The following SLC4A5 variants were observed in gnomAD, a reference collection of about 807,000 sequenced individuals.
The protein encoded by SLC4A5 is electrogenic sodium bicarbonate cotransporter 4.
A neutral mutation model predicts 120.4 loss-of-function variants in SLC4A5; 96 were observed. The observed-to-expected ratio is 0.80, with a 90% CI of 0.68 to 0.94. The LOEUF is 0.94. SLC4A5 is among the 40% of genes least tolerant of loss of function. The pLI, the probability that SLC4A5 is intolerant of heterozygous loss-of-function variation, is 0.00. For missense variants in SLC4A5, 1,259 were observed against 1,459.5 expected, an observed-to-expected ratio of 0.86 and a Z score of 2.24; for synonymous variants, 550 against 571.1, an observed-to-expected ratio of 0.96 and a Z score of 0.53.
chr2:74,298,143 T>C (rs894326603), intron 7 of SLC4A5, among the ~76,000 whole-genome samples: 1 of 152,226 alleles, frequency 6.6e-6, no homozygotes. Context: ...TGAGGATTAA[T>C]TGAGAAGATG....
At chr2:74,226,990 T>C in exon 27 of SLC4A5, 1 of 1,613,828 alleles carries the variant, frequency 6.2e-7, no homozygotes, top group Non-Finnish European at 8.5e-7. Context: ...CCACCGTGGA[T>C]TTGAGGATCC....
intron 6 of SLC4A5, chr2:74,307,154 C>A: frequency 1.8e-6 from 1 of 559,368 alleles, no homozygotes. Context: ...CAGCTCCAAC[C>A]TTGGCAGACT....
intron 12 of SLC4A5, among the ~76,000 whole-genome samples, 196 bp downstream of exon 12, chr2:74,259,392 T>G (rs1017217975): frequency 2.0e-5 from 3 of 152,176 alleles, no homozygotes; most frequent in Non-Finnish European, 4.4e-5. Flanking sequence ...AGCCAGCACC[T>G]GGGACTCCGT....
chr2:74,239,388 A>C, exon 21 of SLC4A5: 1 of 1,614,224 alleles, frequency 6.2e-7, no homozygotes, highest in African/African-American at 1.3e-5. Flanking sequence ...AGGGTCATGG[A>C]GTATGTCCCA....
intron 28 of SLC4A5, 57 bp from the exon 29 acceptor site, chr2:74,223,009 T>A: frequency 1.4e-6 from 1 of 696,236 alleles, no homozygotes; most frequent in East Asian, 4.4e-5. Context: ...TTGGCTTTCT[T>A]TTTTTTTTTT....
chr2:74,262,169 C>T (rs1437443045), exon 11 of SLC4A5: 13 of 1,613,776 alleles, frequency 8.1e-6, no homozygotes, highest in East Asian at 2.2e-5. Context: ...CTGCCGCATC[C>T]GCAGGTCTTC....
intron 8 of SLC4A5, among the ~76,000 whole-genome samples, chr2:74,285,568 G>A (rs1377617689): frequency 6.6e-6 from 1 of 152,166 alleles, no homozygotes; most frequent in Non-Finnish European, 1.5e-5. Flanking sequence ...CTTCCCACTT[G>A]AACTTTAATT....
chr2:74,261,388 G>A (rs1671130174), intron 11 of SLC4A5, among the ~76,000 whole-genome samples: 1 of 152,232 alleles, frequency 6.6e-6, no homozygotes, highest in South Asian at 2.1e-4. Flanking sequence ...GCAAATGCCT[G>A]CTGTGCCCAA....
intron 10 of SLC4A5, among the ~76,000 whole-genome samples, chr2:74,263,647 C>T (rs1324238488): frequency 6.6e-6 from 1 of 152,194 alleles, no homozygotes; most frequent in African/African-American, 2.4e-5. Flanking sequence ...TTGAGATAAG[C>T]CCAGCCCCTT....
chr2:74,290,439 G>C, intron 7 of SLC4A5: 7 of 985,374 alleles, frequency 7.1e-6, no homozygotes, highest in Non-Finnish European at 7.2e-6. Context: ...GGGAGAAAAA[G>C]AGAGAGAGAA....
chr2:74,326,035 C>T (rs184704993), intron 5 of SLC4A5, among the ~76,000 whole-genome samples: 2 of 152,234 alleles, frequency 1.3e-5, no homozygotes, highest in Admixed American at 1.3e-4. Flanking sequence ...CAGTCTTCCA[C>T]TTCTGGGTTC....
At chr2:74,325,934 G>A (rs1386852232) in intron 5 of SLC4A5, among the ~76,000 whole-genome samples, 2 of 151,242 alleles carry the variant, frequency 1.3e-5, no homozygotes, top group Non-Finnish European at 1.5e-5. Flanking sequence ...AGGGGAGGAG[G>A]AAGGGAGAAG....
Position 74,255,885 on chromosome 2 carries a change from G to A in SLC4A5, c.915C>T (p.Ser305=). The change falls in exon 13 of 31, where the codon TCC becomes TCT. Residue 305 remains serine, a synonymous_variant. Coordinates refer to ENST00000394019, the Ensembl canonical transcript of SLC4A5. The surrounding 1 kb of genome is among the most constrained non-coding windows in gnomAD (Gnocchi z 4.0). ...AGTCCACCTCGCCCACGAGCACGTT[G>A]GACGCTTCTGAGTCCTTGGGGATCT... is the stretch of plus-strand genomic sequence containing the variant. 1 of 1,614,136 alleles carries A rather than the reference G, an allele frequency of 6.2e-7. No individual in the cohort carries two copies. Among genetic ancestry groups the A allele is most frequent in the Non-Finnish European group, 8.5e-7 (1 of 1,180,012 alleles).
chr2:74,339,416 G>C (rs1673574810), intron 2 of SLC4A5: 1 of 152,130 alleles, frequency 6.6e-6, no homozygotes, highest in Non-Finnish European at 1.5e-5. Flanking sequence ...AAAATAAATA[G>C]ATTTTTAAAT....
intron 22 of SLC4A5, 48 bp downstream of exon 22, chr2:74,235,053 C>T (rs765469388): frequency 7.0e-7 from 1 of 1,426,892 alleles, no homozygotes; most frequent in South Asian, 1.2e-5. Context: ...GAATCTGCAG[C>T]TGGTAGGCAG....
chr2:74,278,506 T>C (rs1482102441), intron 8 of SLC4A5, among the ~76,000 whole-genome samples: 1 of 152,168 alleles, frequency 6.6e-6, no homozygotes, highest in African/African-American at 2.4e-5. Flanking sequence ...CCCTGAGGGA[T>C]GAAAGCCCCT....
chr2:74,303,771 A>G lies in SLC4A5; in HGVS notation c.271+718T>C, dbSNP rs567162048. 1.4e-3 allele frequency among the ~76,000 whole-genome samples: 209 copies of G among 152,236 alleles called. 1 individual carries two copies. Among genetic ancestry groups the G allele is most frequent in the African/African-American group, 4.7e-3 (197 of 41,534 alleles). ...CAGGTCTTTCAGCTCCAGTGAGGAG[A>G]GAGGGTGGAGCTAATGTAACAAGAA... On this transcript the variant is annotated intron_variant, in intron 7 of 30. Transcript: ENST00000394019.
exon 16 of SLC4A5, chr2:74,252,370 T>A: frequency 6.2e-7 from 1 of 1,613,406 alleles, no homozygotes; most frequent in Non-Finnish European, 8.5e-7. Flanking sequence ...CCAGCTCTGC[T>A]AGGGAGAACA....
chr2:74,228,002 GAGTC>G (rs1460384254), intron 25 of SLC4A5, 124 bp from the exon 26 acceptor site: 2 of 670,612 alleles, frequency 3.0e-6, no homozygotes, highest in Non-Finnish European at 5.0e-6. Flanking sequence ...GGGGAACAGA[GAGTC>G]AGCAGAACTG....
Sources: gnomAD v4.1 joint callset for allele counts (sites outside exome capture counted in the v4.1 genomes callset) on GRCh38, gnomAD v4.1.1 for gene constraint, Gnocchi (gnomAD v3.1) non-coding constraint, MANE v1.5 for transcripts, NCBI Gene and HGNC (gene_info 2026-07-23, HGNC 2026-07-21) for gene names.